Variants in IFITM10 observed in about 807,000 individuals in gnomAD.
The protein encoded by IFITM10 is interferon-induced transmembrane protein 10.
A neutral mutation model predicts 19.0 loss-of-function variants in IFITM10; 17 were observed. The observed-to-expected ratio is 0.90, with a 90% CI of 0.61 to 1.34. The LOEUF is 1.34. Among genes scored for constraint, IFITM10 ranks in the 40% most tolerant of loss-of-function variants. The pLI, the probability that IFITM10 is intolerant of heterozygous loss-of-function variation, is 0.00. For missense variants in IFITM10, 306 were observed against 319.8 expected (o/e 0.96, Z 0.33); for synonymous variants, 148 against 147.2 (o/e 1.01, Z -0.04).
intron 2 of IFITM10, among the ~76,000 whole-genome samples, chr11:1,742,784 G>T (rs1477266789): frequency 2.6e-5 from 4 of 152,216 alleles, no homozygotes; most frequent in African/African-American, 7.2e-5. Context: ...GTGAACACAG[G>T]TGGATGGAAG....
intron 2 of IFITM10, among the ~76,000 whole-genome samples, chr11:1,741,424 G>C (rs1463669434): frequency 6.6e-6 from 1 of 151,974 alleles, no homozygotes; most frequent in Non-Finnish European, 1.5e-5. Context: ...GATGGATGGT[G>C]CTGGGTGGGT....
intron 1 of IFITM10, chr11:1,749,045 C>T (rs754113639): frequency 1.8e-6 from 2 of 1,112,524 alleles, no homozygotes; most frequent in South Asian, 1.9e-5. Flanking sequence ...CGCGGCCGGA[C>T]CCCCTGAGCC....
intron 2 of IFITM10, among the ~76,000 whole-genome samples, chr11:1,742,866 C>T (rs56058133): frequency 0.31 from 47,358 of 151,442 alleles, 8,727 homozygotes; most frequent in African/African-American, 0.52. Context: ...GGTGGATGGA[C>T]GGAGGGAGGA....
At chr11:1,740,835 T>C (rs1481384639) in intron 2 of IFITM10, among the ~76,000 whole-genome samples, 1 of 152,058 alleles carries the variant, frequency 6.6e-6, no homozygotes, top group Non-Finnish European at 1.5e-5. Flanking sequence ...CTCATGCGTG[T>C]AGATCTCATG....
chr11:1,736,755 G>C (rs944747153), intron 2 of IFITM10, among the ~76,000 whole-genome samples: 15 of 149,390 alleles, frequency 1.0e-4, no homozygotes, highest in African/African-American at 3.1e-4. Context: ...GGATGGAATG[G>C]ATGGAGTGGA....
Position 1,747,977 on chromosome 11 carries a change from C to CA in IFITM10, c.226dup (p.Cys76LeufsTer17). On this transcript the variant is annotated frameshift_variant, in exon 2 of 3. Transcript: ENST00000340134. LOFTEE classifies it high-confidence loss of function. Reference sequence around the variant, plus strand: ...CTGCAGGGCAGGGGGCTTGGACACGCAAGCGAAGCAGCCCTTGGGCGAACC... The same window carrying CA: ...CTGCAGGGCAGGGGGCTTGGACACGCAAAGCGAAGCAGCCCTTGGGCGAACC... 6.9e-7 allele frequency: 1 copy of CA among 1,454,312 alleles called. No individual in the cohort carries two copies. The allele number at this position is 1,454,312 out of a possible 1,614,324, so 90.1% of individuals were successfully genotyped here. A position where few individuals can be genotyped will look rare whatever the true frequency, so the allele number is the denominator to read the frequency against.
At chr11:1,740,700 A>C (rs1845556008) in intron 2 of IFITM10, among the ~76,000 whole-genome samples, 1 of 152,218 alleles carries the variant, frequency 6.6e-6, no homozygotes, top group Non-Finnish European at 1.5e-5. Context: ...GGGCAGAGAT[A>C]TAAATTTGAG....
intron 2 of IFITM10, chr11:1,746,828 G>C: frequency 2.5e-6 from 1 of 398,712 alleles, no homozygotes. Context: ...GAGGCTAAAC[G>C]TGAGCCAAGC....
At chr11:1,736,776 T>G (rs1478546198) in intron 2 of IFITM10, among the ~76,000 whole-genome samples, 1 of 146,994 alleles carries the variant, frequency 6.8e-6, no homozygotes, top group Non-Finnish European at 1.5e-5. Context: ...GTCAATGGAA[T>G]GGATAGAGTG....
At position 1,747,685 on chromosome 11, in the gene IFITM10, G is replaced by A. The variant is rs1338366485; in HGVS notation, c.519C>T (p.Ala173=). The change falls in exon 2 of 3, where the codon GCC becomes GCT. Residue 173 remains alanine, a synonymous_variant. Transcript: ENST00000340134. ...GGCTCACTTTGAGGGAGTAGGCCAA[G>A]GCGATGAAGCCCAGGCAGCAGAAGT... ...YLNFCCLGFI[A]LAYSLKVRDK... is the part of the protein sequence containing the mutation. 14 of 1,551,774 alleles carry A rather than the reference G, an allele frequency of 9.0e-6. No homozygotes were observed. The highest frequency in any genetic ancestry group is 2.7e-5 in the African/African-American group (2 of 73,184).
At chr11:1,750,197 C>G (rs1180542178) in intron 1 of IFITM10, 162 bp downstream of exon 1, 2 of 782,728 alleles carry the variant, frequency 2.6e-6, no homozygotes, top group South Asian at 5.7e-5. Flanking sequence ...GCTACCCCAC[C>G]ACATCCTCAC....
At chr11:1,748,678 C>A (rs1346059048) in intron 1 of IFITM10, 1 of 152,314 alleles carries the variant, frequency 6.6e-6, no homozygotes, top group African/African-American at 2.4e-5. Context: ...GACGAGTAAA[C>A]AACTCCCCAC....
Position 1,750,478 on chromosome 11 carries a change from T to C in IFITM10, c.-36A>G. 9 of 1,550,050 alleles carry C rather than the reference T, an allele frequency of 5.8e-6. No individual in the cohort carries two copies. Among genetic ancestry groups the C allele is most frequent in the Non-Finnish European group, 7.8e-6 (9 of 1,146,778 alleles). On this transcript the variant is annotated 5_prime_UTR_variant, in exon 1 of 3. Coordinates refer to ENST00000340134, the MANE Select transcript of IFITM10 (RefSeq NM_001170820.4). ...GCCCCATCCTCCCATGAAACTCCTT[T>C]CTCCTCTGCCACTCTCAACTGGCCT...
At chr11:1,747,538 C>T in intron 2 of IFITM10, 129 bp downstream of exon 2, 2 of 803,304 alleles carry the variant, frequency 2.5e-6, no homozygotes, top group African/African-American at 3.4e-5. Context: ...CCCTTGGCCC[C>T]TCAACTGCAC....
chr11:1,736,265 T>A, intron 2 of IFITM10, among the ~76,000 whole-genome samples: 1 of 152,166 alleles, frequency 6.6e-6, no homozygotes, highest in African/African-American at 2.4e-5. Context: ...AGATAGATAC[T>A]GGGGCTGACT....
intron 2 of IFITM10, among the ~76,000 whole-genome samples, chr11:1,736,157 T>A (rs1343126206): frequency 6.6e-6 from 1 of 151,898 alleles, no homozygotes; most frequent in Admixed American, 6.6e-5. Context: ...AGTTCTAGGA[T>A]GAGGAAGGGA....
chr11:1,742,285 G>A (rs754909796), intron 2 of IFITM10, among the ~76,000 whole-genome samples: 3 of 152,112 alleles, frequency 2.0e-5, no homozygotes, highest in Admixed American at 6.6e-5. Context: ...GCACGTAGGC[G>A]GATGGTAGAA....
At chr11:1,745,297 G>A (rs1325936425) in intron 2 of IFITM10, 1 of 152,396 alleles carries the variant, frequency 6.6e-6, no homozygotes, top group Non-Finnish European at 1.5e-5. Context: ...AGCCCAGGCA[G>A]CCAGACCCAT....
intron 2 of IFITM10, chr11:1,746,619 G>A: frequency 2.5e-6 from 1 of 398,666 alleles, no homozygotes; most frequent in Non-Finnish European, 4.4e-6. Context: ...CCGCAGTTGC[G>A]ATGCCGGGCG....
Sources: gnomAD v4.1 joint callset for allele counts (sites outside exome capture counted in the v4.1 genomes callset) on GRCh38, gnomAD v4.1.1 for gene constraint, MANE v1.5 for transcripts, NCBI Gene and HGNC (gene_info 2026-07-23, HGNC 2026-07-21) for gene names.